PAK1: variants seen among roughly 807,000 people sequenced by gnomAD.
PAK1 encodes the protein p21 (RAC1) activated kinase 1, also known as serine/threonine-protein kinase PAK 1.
Under a neutral mutation model 67.4 loss-of-function variants are expected in PAK1, and 29 were observed. That is an observed-to-expected ratio of 0.43 (90% CI 0.32 to 0.59). The LOEUF (loss-of-function observed/expected upper bound fraction) is 0.59. Ranked by LOEUF, PAK1 falls within the 20% of genes least tolerant of loss-of-function variation. The pLI is 0.07. For missense variants in PAK1, 337 were observed against 670.7 expected, an observed-to-expected ratio of 0.50 and a Z score of 5.50; for synonymous variants, 223 against 237.4, an observed-to-expected ratio of 0.94 and a Z score of 0.56.
At chr11:77,451,288 T>C (rs1420307980) in intron 1 of PAK1, among the ~76,000 whole-genome samples, 1 of 152,202 alleles carries the variant, frequency 6.6e-6, no homozygotes, top group Non-Finnish European at 1.5e-5. Flanking sequence ...CAGATCCTCA[T>C]TCAAGAGGTA....
chr11:77,329,393 T>G (rs1233005670), intron 14 of PAK1: 2 of 152,222 alleles, frequency 1.3e-5, no homozygotes, highest in Admixed American at 6.5e-5. Flanking sequence ...AGTAAAATAC[T>G]GGCAAACCGA....
At chr11:77,440,835 A>G (rs931377483) in intron 1 of PAK1, among the ~76,000 whole-genome samples, 1 of 150,740 alleles carries the variant, frequency 6.6e-6, no homozygotes, top group Admixed American at 6.6e-5. Context: ...AATTCCTCCC[A>G]CCTCTATCTG....
chr11:77,375,319 T>A (rs1269202610), intron 4 of PAK1, among the ~76,000 whole-genome samples: 1 of 152,244 alleles, frequency 6.6e-6, no homozygotes, highest in Non-Finnish European at 1.5e-5. Flanking sequence ...GAGTCATCCA[T>A]GCCAAAACAT....
In PAK1 at chr11:77,360,927, CAATT is replaced by C. The variant is rs570477713; in HGVS notation, c.478-1914_478-1911del. Among the ~76,000 whole-genome samples the C allele has an allele frequency of 1.4e-3, 209 of 152,236 alleles. 1 individual carries two copies. Among genetic ancestry groups the C allele is most frequent in the African/African-American group, 4.7e-3 (197 of 41,548 alleles). On this transcript the variant is annotated intron_variant, in intron 5 of 14. Transcript: ENST00000356341. Reference sequence around the variant, plus strand: ...AAAGAGCTAGAGAGATGTAAGGAATCAATTAAATTATCATTATGTCTAATAACCA... The same window carrying C: ...AAAGAGCTAGAGAGATGTAAGGAATCAAATTATCATTATGTCTAATAACCA...
chr11:77,491,076 T>C, the PAK1 span, among the ~76,000 whole-genome samples: 3 of 148,198 alleles, frequency 2.0e-5, no homozygotes, highest in African/African-American at 7.5e-5. Flanking sequence ...ACTATTGTCC[T>C]ATGACCCTGC....
intron 9 of PAK1, among the ~76,000 whole-genome samples, chr11:77,345,518 C>T (rs751910129): frequency 2.6e-5 from 4 of 152,108 alleles, no homozygotes; most frequent in Admixed American, 1.3e-4. Flanking sequence ...AGGAATGATT[C>T]AAACTTTTAT....
chr11:77,510,954 A>G, the PAK1 span, among the ~76,000 whole-genome samples: 1 of 152,138 alleles, frequency 6.6e-6, no homozygotes, highest in East Asian at 1.9e-4. Flanking sequence ...TTTTACTGAA[A>G]TGTTTTTGCT....
At chr11:77,469,455 G>C (rs114750143) in intron 1 of PAK1, among the ~76,000 whole-genome samples, 3 of 152,114 alleles carry the variant, frequency 2.0e-5, no homozygotes, top group Non-Finnish European at 2.9e-5. Context: ...ACTTTTCAAA[G>C]ATTCCTTTAT....
the PAK1 span, among the ~76,000 whole-genome samples, chr11:77,491,822 GGAGT>G: frequency 1.3e-5 from 2 of 152,122 alleles, no homozygotes; most frequent in African/African-American, 4.8e-5. Flanking sequence ...AAAAAAGACA[GGAGT>G]AAGTCTTTAC....
intron 5 of PAK1, among the ~76,000 whole-genome samples, chr11:77,367,675 G>T (rs1223415894): frequency 6.6e-6 from 1 of 152,168 alleles, no homozygotes; most frequent in African/African-American, 2.4e-5. Flanking sequence ...TGGAGAATTA[G>T]TTTAAGAGGT....
At chr11:77,522,966 A>G in the PAK1 span, among the ~76,000 whole-genome samples, 38,704 of 152,116 alleles carry the variant, frequency 0.25, 5,455 homozygotes, top group South Asian at 0.48. Context: ...CAATTAATGC[A>G]GAATGGAAAG....
At chr11:77,462,858 CAAA>C (rs1224023271) in intron 1 of PAK1, among the ~76,000 whole-genome samples, 2 of 127,272 alleles carry the variant, frequency 1.6e-5, no homozygotes, top group Admixed American at 8.1e-5. Flanking sequence ...TCATGTGTCT[CAAA>C]AAAAAAAAAA....
At chr11:77,500,554 T>C in the PAK1 span, among the ~76,000 whole-genome samples, 1 of 152,108 alleles carries the variant, frequency 6.6e-6, no homozygotes, top group African/African-American at 2.4e-5. Flanking sequence ...CTCCTCAAGA[T>C]TTCCGTTCTG....
chr11:77,468,153 A>G (rs1957685499), intron 1 of PAK1, among the ~76,000 whole-genome samples: 1 of 152,234 alleles, frequency 6.6e-6, no homozygotes, highest in Non-Finnish European at 1.5e-5. Flanking sequence ...GAAGGCTGGA[A>G]GTAGAAAAGT....
At chr11:77,381,527 C>T (rs1184127456) in intron 2 of PAK1, among the ~76,000 whole-genome samples, 4 of 152,180 alleles carry the variant, frequency 2.6e-5, no homozygotes, top group African/African-American at 9.7e-5. Context: ...TATTTTACCT[C>T]CCCTAAAAAA....
intron 2 of PAK1, among the ~76,000 whole-genome samples, chr11:77,380,264 C>G (rs1446696487): frequency 6.6e-6 from 1 of 152,160 alleles, no homozygotes; most frequent in African/African-American, 2.4e-5. Context: ...GAGGCCAAGG[C>G]AGGCAGATTG....
chr11:77,343,775 G>C (rs758059550), intron 10 of PAK1, 44 bp downstream of exon 10: 3 of 1,155,768 alleles, frequency 2.6e-6, no homozygotes, highest in Non-Finnish European at 3.9e-6. Flanking sequence ...CCACCAATCA[G>C]TCCCAAAGGC....
chr11:77,404,625 C>T (rs1953202757), intron 1 of PAK1, among the ~76,000 whole-genome samples: 1 of 152,126 alleles, frequency 6.6e-6, no homozygotes, highest in Non-Finnish European at 1.5e-5. Context: ...CATCTTCCTA[C>T]CCTCAAATCT....
intron 14 of PAK1, among the ~76,000 whole-genome samples, chr11:77,325,079 T>C (rs1371406016): frequency 6.6e-6 from 1 of 152,218 alleles, no homozygotes; most frequent in Non-Finnish European, 1.5e-5. Flanking sequence ...ATATTTACAA[T>C]GTACACCAAC....
Sources: gnomAD v4.1 joint callset for allele counts (sites outside exome capture counted in the v4.1 genomes callset) on GRCh38, gnomAD v4.1.1 for gene constraint, MANE v1.5 for transcripts, NCBI Gene and HGNC (gene_info 2026-07-23, HGNC 2026-07-21) for gene names.